The following LRPPRC variants were observed in gnomAD, a reference collection of about 807,000 sequenced individuals.
The protein encoded by LRPPRC is leucine-rich PPR motif-containing protein, mitochondrial.
In LRPPRC, 120 loss-of-function variants were observed where a neutral mutation model predicts 180.3. The ratio of observed to expected loss-of-function variants is 0.67; its 90% confidence interval spans 0.57 to 0.77. The LOEUF is 0.77. Ranked by LOEUF, LRPPRC falls within the 30% of genes least tolerant of loss-of-function variation. LRPPRC has a pLI of 0.00. For missense variants in LRPPRC, 2,012 were observed against 1,657.2 expected (o/e 1.21, Z -3.72); for synonymous variants, 723 against 600.0 (o/e 1.21, Z -3.00).
chr2:43,922,206 G>C (rs1671722994), intron 27 of LRPPRC, among the ~76,000 whole-genome samples: 1 of 152,126 alleles, frequency 6.6e-6, no homozygotes, highest in Non-Finnish European at 1.5e-5. Context: ...GTTATATTGA[G>C]TCCATAGAAA....
intron 29 of LRPPRC, among the ~76,000 whole-genome samples, chr2:43,912,882 G>A (rs1340280893): frequency 1.3e-5 from 2 of 152,076 alleles, no homozygotes; most frequent in Non-Finnish European, 2.9e-5. Context: ...CTGAATTTAT[G>A]AAAAGACGAT....
At chr2:43,951,632 A>G (rs993277277) in intron 14 of LRPPRC, among the ~76,000 whole-genome samples, 3 of 152,202 alleles carry the variant, frequency 2.0e-5, no homozygotes, top group Admixed American at 2.0e-4. Flanking sequence ...TATTTTTAAT[A>G]GTCCAGCAAA....
At chr2:43,903,407 G>A (rs1017882435) in intron 31 of LRPPRC, 1 of 152,020 alleles carries the variant, frequency 6.6e-6, no homozygotes, top group Admixed American at 6.6e-5. Flanking sequence ...GTTGAGAAAA[G>A]GAAACCTAAA....
chr2:43,895,336 T>TTC (rs1288530853), intron 35 of LRPPRC, among the ~76,000 whole-genome samples: 2 of 152,180 alleles, frequency 1.3e-5, no homozygotes, highest in Non-Finnish European at 2.9e-5. Flanking sequence ...CCTAACTCCT[T>TTC]TCTATAGCAT....
At chr2:43,915,340 T>C (rs954877380) in intron 29 of LRPPRC, among the ~76,000 whole-genome samples, 1 of 151,634 alleles carries the variant, frequency 6.6e-6, no homozygotes, top group African/African-American at 2.4e-5. Flanking sequence ...CTTTCAAAGA[T>C]GCATAGTGTG....
chr2:43,989,756 A>C (rs578036840), intron 1 of LRPPRC, among the ~76,000 whole-genome samples: 2 of 152,250 alleles, frequency 1.3e-5, no homozygotes, highest in South Asian at 4.1e-4. Flanking sequence ...CATATGTTGC[A>C]ACATATGTAA....
intron 23 of LRPPRC, among the ~76,000 whole-genome samples, chr2:43,937,730 C>G (rs1247576078): frequency 6.6e-6 from 1 of 152,114 alleles, no homozygotes; most frequent in Non-Finnish European, 1.5e-5. Flanking sequence ...GGTTCTATGA[C>G]TCTGTGCTTA....
chr2:43,982,320 C>A lies in LRPPRC; in HGVS notation c.264G>T (p.Met88Ile). 1 of 1,613,154 alleles carries A rather than the reference C, an allele frequency of 6.2e-7. No homozygotes were observed. Residue 88 changes from methionine to isoleucine, a missense_variant, in exon 2 of 38, where the codon ATG becomes ATT. Met to Ile is a conservative substitution (Grantham distance 10). Coordinates refer to ENST00000260665, the MANE Select transcript of LRPPRC (RefSeq NM_133259.4). ...KISNQFDWALMRLDLSVRRTG... is the reference protein window; with the variant it reads ...KISNQFDWALIRLDLSVRRTG... ...TTCTTCGAACAGAAAGATCTAGTCT[C>A]ATTAGAGCCCAATCAAACTGATTGG...
At position 43,942,870 on chromosome 2, in the gene LRPPRC, T is replaced by C. The variant is rs72877182; in HGVS notation, c.2504+817A>G. ...TTTTCGGTGTTTTACTACTTTCAGATACGTATATCTTCCATTTTATTTTAT... is the reference window on the plus strand; with the variant it reads ...TTTTCGGTGTTTTACTACTTTCAGACACGTATATCTTCCATTTTATTTTAT... On this transcript the variant is annotated intron_variant, in intron 23 of 37. Coordinates refer to ENST00000260665, the MANE Select transcript of LRPPRC (RefSeq NM_133259.4). Among the ~76,000 whole-genome samples, 994 of 152,270 alleles carry C rather than the reference T, an allele frequency of 6.5e-3. 9 individuals are homozygous for C. The highest frequency in any genetic ancestry group is 0.041 in the Middle Eastern group (12 of 294).
chr2:43,963,830 T>A (rs1673451298), intron 11 of LRPPRC, 124 bp from the exon 12 acceptor site: 3 of 743,190 alleles, frequency 4.0e-6, no homozygotes. Flanking sequence ...AATTCGTTTG[T>A]CTAAAAGGCA....
At chr2:43,992,594 A>T (rs1237378111) in intron 1 of LRPPRC, among the ~76,000 whole-genome samples, 4 of 152,186 alleles carry the variant, frequency 2.6e-5, no homozygotes, top group Non-Finnish European at 5.9e-5. Context: ...GAGACTAGGG[A>T]ATGATGAAGG....
Position 43,889,656 on chromosome 2 carries a change from C to T in LRPPRC, c.4128+78G>A, listed in dbSNP as rs1338529936. On this transcript the variant is annotated intron_variant, in intron 37 of 37. Coordinates refer to ENST00000260665, the MANE Select transcript of LRPPRC (RefSeq NM_133259.4). Reference sequence around the variant, plus strand: ...AATCCTCATGTAATTAAGTCTTCAACTTATTTTCTTACACATTGTTATGAA... The same window carrying T: ...AATCCTCATGTAATTAAGTCTTCAATTTATTTTCTTACACATTGTTATGAA... 3.3e-6 allele frequency: 4 copies of T among 1,194,634 alleles called. No individual in the cohort carries two copies. The East Asian group carries it at 9.4e-5, about 28-fold the overall frequency. 74.0% of individuals were successfully genotyped at this position (1,194,634 alleles called of 1,614,324 possible).
rs199628926 is a variant in LRPPRC, at chr2:43,973,602, C to T, written c.1369+5G>A. Reference sequence around the variant, plus strand: ...ATTACAAATCGGTAAAAGGCAAAATCTAACCTTGAACATTTTTTTCCTTCC... The same window carrying T: ...ATTACAAATCGGTAAAAGGCAAAATTTAACCTTGAACATTTTTTTCCTTCC... On this transcript the variant is annotated splice_donor_5th_base_variant and intron_variant, in intron 11 of 37. Transcript: ENST00000260665. 51 of 1,602,790 alleles carry T rather than the reference C, an allele frequency of 3.2e-5. No homozygotes were observed. The highest frequency in any genetic ancestry group is 4.4e-5 in the Non-Finnish European group (51 of 1,169,726).
chr2:43,899,384 C>T lies in LRPPRC; in HGVS notation c.3710-50G>A, dbSNP rs768354270. 4.4e-6 allele frequency: 7 copies of T among 1,602,626 alleles called. No homozygotes were observed. The Admixed American group carries it at 8.3e-5, about 19-fold the overall frequency. On this transcript the variant is annotated intron_variant, in intron 33 of 37. Coordinates refer to ENST00000260665, the MANE Select transcript of LRPPRC (RefSeq NM_133259.4). ...ATCTTTCATTAGAACAGTGGTATAA[C>T]TCACCTACCAAAGAAATTTGGTCTA...
chr2:43,974,876 ACTT>A (rs772734609), intron 7 of LRPPRC, 118 bp from the exon 8 acceptor site: 1 of 1,106,572 alleles, frequency 9.0e-7, no homozygotes, highest in Non-Finnish European at 1.3e-6. Context: ...AAGGTTTACG[ACTT>A]CTTTTAAAAA....
At chr2:43,918,951 T>C (rs1346809764) in intron 27 of LRPPRC, among the ~76,000 whole-genome samples, 1 of 151,966 alleles carries the variant, frequency 6.6e-6, no homozygotes, top group Non-Finnish European at 1.5e-5. Flanking sequence ...TGTGATTGTA[T>C]GCAGTGCATA....
chr2:43,949,813 T>C (rs1672831580), intron 15 of LRPPRC, among the ~76,000 whole-genome samples, 154 bp from the exon 16 acceptor site: 1 of 152,168 alleles, frequency 6.6e-6, no homozygotes, highest in African/African-American at 2.4e-5. Context: ...GCCAAGGAGA[T>C]TGTTTTGTTT....
intron 29 of LRPPRC, among the ~76,000 whole-genome samples, chr2:43,916,937 C>T (rs1297031805): frequency 2.6e-5 from 3 of 116,156 alleles, no homozygotes. Context: ...AGAGTGAGAC[C>T]TGTCTCCGGG....
intron 25 of LRPPRC, among the ~76,000 whole-genome samples, chr2:43,932,519 A>C (rs1181921810): frequency 6.6e-6 from 1 of 152,182 alleles, no homozygotes; most frequent in African/African-American, 2.4e-5. Flanking sequence ...CCATTCCTAA[A>C]TGTGGTTGTA....
Sources: allele counts gnomAD v4.1 joint callset (sites outside exome capture counted in the v4.1 genomes callset), GRCh38; gene constraint gnomAD v4.1.1; transcripts MANE v1.5; gene names NCBI Gene and HGNC (gene_info 2026-07-23, HGNC 2026-07-21).